The following PTGER4 variants were observed in gnomAD, a reference collection of about 807,000 sequenced individuals.
The protein encoded by PTGER4 is prostaglandin E receptor 4.
Under a neutral mutation model 33.2 loss-of-function variants are expected in PTGER4, and 11 were observed. The ratio of observed to expected loss-of-function variants is 0.33; its 90% CI spans 0.21 to 0.55. The LOEUF is 0.55. Among genes scored for constraint, PTGER4 ranks in the 20% least tolerant of loss-of-function variants. The pLI is 0.92. For synonymous variants in PTGER4, 275 were observed against 281.5 expected (o/e 0.98, Z 0.23); for missense variants, 481 against 650.2 (o/e 0.74, Z 2.83).
chr5:40,717,465 G>C, the PTGER4 span, among the ~76,000 whole-genome samples: 1 of 152,096 alleles, frequency 6.6e-6, no homozygotes, highest in Admixed American at 6.5e-5. Flanking sequence ...CTCCACTACA[G>C]TCTGGATAAA....
the PTGER4 span, among the ~76,000 whole-genome samples, chr5:40,722,720 G>A: frequency 0.33 from 49,332 of 151,024 alleles, 8,529 homozygotes; most frequent in East Asian, 0.56. Context: ...CCAGCGCCCC[G>A]TCCGGGAGGT....
chr5:40,702,953 C>T, the PTGER4 span, among the ~76,000 whole-genome samples: 20 of 152,264 alleles, frequency 1.3e-4, no homozygotes, highest in Non-Finnish European at 1.2e-4. Flanking sequence ...AATCAAGAAG[C>T]TCTTTGAAAA....
chr5:40,704,841 A>G, the PTGER4 span, among the ~76,000 whole-genome samples: 1 of 152,210 alleles, frequency 6.6e-6, no homozygotes. Flanking sequence ...AAGCAAATAG[A>G]AAAACATCTC....
chr5:40,740,943 A>C, the PTGER4 span, among the ~76,000 whole-genome samples: 64 of 152,192 alleles, frequency 4.2e-4, no homozygotes, highest in African/African-American at 1.4e-3. Flanking sequence ...TTTTTTTAAT[A>C]TATCTTCCAT....
In PTGER4 at chr5:40,681,239, G is replaced by A. The variant is rs759433210; in HGVS notation, c.246G>A (p.Lys82=). 5 of 1,614,162 alleles carry A rather than the reference G, an allele frequency of 3.1e-6. No individual in the cohort carries two copies. In the South Asian group the frequency reaches 5.5e-5, roughly 18 times the overall value. ...CGGTGACCATCGCCACGTACATGAA[G>A]GGCCAATGGCCCGGGGGCCAGCCGC... is the stretch of plus-strand genomic sequence containing the variant. ...VSPVTIATYM[K]GQWPGGQPLC... Residue 82 remains lysine (K), a synonymous_variant, in exon 2 of 3, where the codon AAG becomes AAA. Transcript: ENST00000302472. The surrounding 1 kb of genome is among the most constrained non-coding windows in gnomAD (Gnocchi z 9.8).
the PTGER4 span, among the ~76,000 whole-genome samples, chr5:40,714,217 T>C: frequency 6.6e-6 from 1 of 152,194 alleles, no homozygotes; most frequent in Non-Finnish European, 1.5e-5. Context: ...AGAGACTTCT[T>C]ACTTTCAGAT....
the PTGER4 span, among the ~76,000 whole-genome samples, chr5:40,717,672 A>C: frequency 6.6e-6 from 1 of 152,252 alleles, no homozygotes; most frequent in Non-Finnish European, 1.5e-5. Flanking sequence ...CTGCCCTCCA[A>C]GTGAGAATCA....
the PTGER4 span, among the ~76,000 whole-genome samples, chr5:40,722,464 C>T: frequency 1.3e-5 from 2 of 150,386 alleles, no homozygotes; most frequent in Non-Finnish European, 3.0e-5. Context: ...AAGTGAGGAG[C>T]CTCTCTGCCT....
Position 40,681,230 on chromosome 5 carries a change from G to C in PTGER4, c.237G>C (p.Thr79=). 2.5e-6 allele frequency: 4 copies of C among 1,614,116 alleles called. No individual in the cohort carries two copies. Among genetic ancestry groups the C allele is most frequent in the Non-Finnish European group, 3.4e-6 (4 of 1,180,038 alleles). ...TGGTGAGCCCGGTGACCATCGCCACGTACATGAAGGGCCAATGGCCCGGGG... is the reference window on the plus strand; with the variant it reads ...TGGTGAGCCCGGTGACCATCGCCACCTACATGAAGGGCCAATGGCCCGGGG... ...TLLVSPVTIA[T]YMKGQWPGGQ... is the part of the protein sequence containing the mutation. Residue 79 remains threonine (T), a synonymous_variant, in exon 2 of 3, where the codon ACG becomes ACC. Transcript: ENST00000302472. The surrounding 1 kb of genome is among the most constrained non-coding windows in gnomAD (Gnocchi z 9.8).
intron 2 of PTGER4, among the ~76,000 whole-genome samples, chr5:40,684,133 C>T (rs1467475537): frequency 8.0e-6 from 1 of 124,914 alleles, no homozygotes; most frequent in Non-Finnish European, 1.6e-5. Context: ...CACCCCCCCC[C>T]CCACAATTCA....
In PTGER4 at chr5:40,692,220, T is replaced by C. The variant is rs1741491990; in HGVS notation, c.1309T>C (p.Ser437Pro). The C allele has an allele frequency of 1.2e-6, 2 of 1,614,180 alleles. No homozygotes were observed. Among genetic ancestry groups the C allele is most frequent in the South Asian group, 2.2e-5 (2 of 91,084 alleles). The change falls in exon 3 of 3, where the codon TCA becomes CCA. Residue 437 changes from serine (S) to proline (P), a missense_variant. By Grantham distance (74) the Ser-to-Pro change is moderately conservative (BLOSUM62 -1). This residue lies in a region of PTGER4 where 172 missense variants were observed against 199.2 expected (regional missense o/e 0.86). Coordinates refer to ENST00000302472, the MANE Select transcript of PTGER4 (RefSeq NM_000958.3). ...CACCTCACTGAGGACTTTGCGAATA[T>C]CAGAGACCTCAGACTCTTCACAGGG... ...DTTSLRTLRI[S>P]ETSDSSQGQD...
At chr5:40,745,284 A>G in the PTGER4 span, among the ~76,000 whole-genome samples, 1 of 149,898 alleles carries the variant, frequency 6.7e-6, no homozygotes, top group East Asian at 2.0e-4. Flanking sequence ...TAATTTTTGT[A>G]GGTTTGATAA....
At position 40,692,070 on chromosome 5, in the gene PTGER4, G is replaced by C; in HGVS notation, c.1159G>C (p.Glu387Gln). Residue 387 changes from glutamate (E) to glutamine (Q), a missense_variant, in exon 3 of 3, where the codon GAG (glutamate) becomes CAG (glutamine). Coordinates refer to ENST00000302472, the MANE Select transcript of PTGER4 (RefSeq NM_000958.3). The part of the protein sequence containing the change: ...SRSFISRELK[E>Q]ISSTSQTLLP... Reference sequence around the variant, plus strand: ...CTCCTTCATCTCCCGGGAGCTGAAGGAGATCAGCAGTACATCTCAGACCCT... The same window carrying C: ...CTCCTTCATCTCCCGGGAGCTGAAGCAGATCAGCAGTACATCTCAGACCCT... The C allele has an allele frequency of 1.2e-6, 2 of 1,614,220 alleles. No homozygotes were observed. Among genetic ancestry groups the C allele is most frequent in the Non-Finnish European group, 1.7e-6 (2 of 1,180,042 alleles).
In PTGER4 at chr5:40,688,798, T is replaced by C. The variant is rs539038427; in HGVS notation, c.868-2981T>C. On this transcript the variant is annotated intron_variant, in intron 2 of 2. Transcript: ENST00000302472. Reference sequence around the variant, plus strand: ...AATCAAGTATGCTTTGCCTTGATACTATCATTTATCCCAGCGTAGTTTCTA... The same window carrying C: ...AATCAAGTATGCTTTGCCTTGATACCATCATTTATCCCAGCGTAGTTTCTA... Among the ~76,000 whole-genome samples the C allele has an allele frequency of 2.0e-5, 3 of 152,356 alleles. No individual in the cohort carries two copies. In the South Asian group the frequency reaches 6.2e-4, roughly 32 times the overall value.
At chr5:40,745,691 A>G in the PTGER4 span, among the ~76,000 whole-genome samples, 1 of 150,940 alleles carries the variant, frequency 6.6e-6, no homozygotes, top group Non-Finnish European at 1.5e-5. Context: ...ACACAGCCAG[A>G]ATTTTTTAAA....
the PTGER4 span, among the ~76,000 whole-genome samples, chr5:40,742,750 C>T: frequency 8.5e-5 from 13 of 152,122 alleles, no homozygotes; most frequent in African/African-American, 2.7e-4. Flanking sequence ...TATTTTCATT[C>T]GGGAGGAGGG....
At chr5:40,741,891 A>G in the PTGER4 span, among the ~76,000 whole-genome samples, 1 of 152,166 alleles carries the variant, frequency 6.6e-6, no homozygotes, top group Non-Finnish European at 1.5e-5. Flanking sequence ...CAGGAGGCTG[A>G]GGCAGGAGAA....
Position 40,692,670 on chromosome 5 carries a change from T to A in PTGER4, c.*292T>A. The A allele has an allele frequency of 1.8e-6, 2 of 1,113,954 alleles. No individual in the cohort carries two copies. Among genetic ancestry groups the A allele is most frequent in the Non-Finnish European group, 2.2e-6 (2 of 910,602 alleles). The allele number at this position is 1,113,954 out of a possible 1,614,324, so 69.0% of individuals were successfully genotyped here. A position where few individuals can be genotyped will look rare whatever the true frequency, so the allele number is the denominator to read the frequency against. ...CTACTAGATAGGAGGATGGTAGAAG[T>A]TTGGCTGCTGTCATAACATCCAGAG... On this transcript the variant is annotated 3_prime_UTR_variant, in exon 3 of 3. Coordinates refer to ENST00000302472, the MANE Select transcript of PTGER4 (RefSeq NM_000958.3).
chr5:40,697,203 A>G (rs1394329080), downstream of PTGER4, among the ~76,000 whole-genome samples: 2 of 142,796 alleles, frequency 1.4e-5, no homozygotes, highest in African/African-American at 5.3e-5. Context: ...AAGAAAAGAA[A>G]GAAAGAAAGA....
Sources: gnomAD v4.1 joint callset for allele counts (sites outside exome capture counted in the v4.1 genomes callset) on GRCh38, gnomAD v4.1.1 for gene constraint, gnomAD v4.1.1 regional missense constraint, Gnocchi (gnomAD v3.1) non-coding constraint, MANE v1.5 for transcripts, NCBI Gene and HGNC (gene_info 2026-07-23, HGNC 2026-07-21) for gene names.